AHRR: variants seen among roughly 807,000 people sequenced by gnomAD.
The protein encoded by AHRR is ahR repressor.
A neutral mutation model predicts 44.0 loss-of-function variants in AHRR; 28 were observed. The ratio of observed to expected loss-of-function variants is 0.64; its 90% CI spans 0.47 to 0.87. The LOEUF is 0.87. Among genes scored for constraint, AHRR ranks in the 40% least tolerant of loss-of-function variants. AHRR has a pLI of 0.00. For missense variants in AHRR, 990 were observed against 953.9 expected (o/e 1.04, Z -0.50); for synonymous variants, 434 against 407.0 (o/e 1.07, Z -0.80).
chr5:427,939 A>G lies in AHRR; in HGVS notation c.841A>G (p.Met281Val). The G allele has an allele frequency of 6.2e-7, 1 of 1,613,982 alleles. No individual in the cohort carries two copies. Among genetic ancestry groups the G allele is most frequent in the Non-Finnish European group, 8.5e-7 (1 of 1,180,012 alleles). Residue 281 changes from methionine to valine, a missense_variant, in exon 8 of 11, where the codon ATG becomes GTG. Met to Val is a conservative substitution (Grantham distance 21, BLOSUM62 1). Transcript: ENST00000684583. ...APVLLPSAAE[M>V]KMRSALLRAK... ...CGTTCTCCTCCCCTCCGCAGCGGAG[A>G]TGAAAATGAGGAGCGCGCTCCTGAG...
chr5:402,538 A>G (rs1452255977), intron 4 of AHRR, among the ~76,000 whole-genome samples: 2 of 151,536 alleles, frequency 1.3e-5, no homozygotes, highest in Non-Finnish European at 2.9e-5. Context: ...GAGGGTGTGG[A>G]GAGAAGGGGA....
chr5:330,869 ATTT>A (rs34221385), intron 1 of AHRR, among the ~76,000 whole-genome samples: 30,634 of 95,984 alleles, frequency 0.32, 2,554 homozygotes, highest in South Asian at 0.42. Context: ...ATAATTCAGC[ATTT>A]TTTTTTTTTT....
chr5:325,061 G>C (rs1456740721), intron 1 of AHRR, among the ~76,000 whole-genome samples: 4 of 152,236 alleles, frequency 2.6e-5, no homozygotes, highest in African/African-American at 9.7e-5. Context: ...GCTGAGGAGG[G>C]CAACGAGGCT....
chr5:353,409 G>A (rs1313594862), intron 2 of AHRR, among the ~76,000 whole-genome samples: 4 of 152,160 alleles, frequency 2.6e-5, no homozygotes, highest in African/African-American at 4.8e-5. Context: ...TCAGGGATCC[G>A]TAGTGGAGAG....
At chr5:417,708 A>C (rs905653902) in intron 5 of AHRR, among the ~76,000 whole-genome samples, 1 of 150,936 alleles carries the variant, frequency 6.6e-6, no homozygotes, top group Non-Finnish European at 1.5e-5. Flanking sequence ...GCACTTGGTC[A>C]TTTTTCCCCA....
In AHRR at chr5:337,064, T is replaced by C. The variant is rs113187297; in HGVS notation, c.-10-6829T>C. ...GTATCTCTATTCTTATGCCACAGTT[T>C]CTTTCTTTTTAATGTTTTTTTTTAA... On this transcript the variant is annotated intron_variant, in intron 1 of 10. Coordinates refer to ENST00000684583, the MANE Select transcript of AHRR (RefSeq NM_001377236.1). The surrounding 1 kb of genome is among the most constrained non-coding windows in gnomAD (Gnocchi z 4.1). 1.7e-3 allele frequency among the ~76,000 whole-genome samples: 262 copies of C among 152,324 alleles called. 4 individuals carry two copies. The highest frequency in any genetic ancestry group is 5.9e-3 in the African/African-American group (245 of 41,574).
intron 1 of AHRR, among the ~76,000 whole-genome samples, chr5:322,190 C>CG (rs1328531330): frequency 1.3e-5 from 2 of 152,164 alleles, no homozygotes; most frequent in Non-Finnish European, 1.5e-5. Context: ...GCGCCAGGTC[C>CG]GGGGGGCCTC....
At chr5:413,512 G>T (rs1447008060) in intron 5 of AHRR, 79 bp downstream of exon 5, 9 of 1,095,582 alleles carry the variant, frequency 8.2e-6, no homozygotes, top group Admixed American at 2.0e-5. Context: ...TGTCGTCAAG[G>T]TTTGATAATG....
Position 395,768 on chromosome 5 carries a change from A to G in AHRR, c.352-17576A>G, listed in dbSNP as rs76135148. Among the ~76,000 whole-genome samples, 14,978 of 152,286 alleles carry G rather than the reference A, an allele frequency of 0.098. 1,013 individuals are homozygous for G. The highest frequency in any genetic ancestry group is 0.13 in the Admixed American group (2,053 of 15,304). ...TCCGCCACAGGCTGCTGTCCTAAAG[A>G]AAGGCCTAGAAGCCCTCCCAGCTGG... On this transcript the variant is annotated intron_variant, in intron 4 of 10. Coordinates refer to ENST00000684583, the MANE Select transcript of AHRR (RefSeq NM_001377236.1). This position sits in a 1 kb window ranked among gnomAD's most constrained non-coding sequence, Gnocchi z 5.3.
chr5:392,437 C>T lies in AHRR; in HGVS notation c.351+15721C>T, dbSNP rs1483035004. 4.0e-5 allele frequency among the ~76,000 whole-genome samples: 6 copies of T among 148,342 alleles called. No individual in the cohort carries two copies. The East Asian group carries it at 8.0e-4, about 20-fold the overall frequency. On this transcript the variant is annotated intron_variant, in intron 4 of 10. Transcript: ENST00000684583. ...CGTGCACGAACACACGGGTGCAGGG[C>T]GAGGCAGGCGCAGGGCGAGGCAGGG...
intron 1 of AHRR, 58 bp from the exon 2 acceptor site, chr5:343,835 G>T: frequency 6.5e-7 from 1 of 1,537,662 alleles, no homozygotes; most frequent in Non-Finnish European, 8.8e-7. Flanking sequence ...GGGGCATCGC[G>T]GCGGGAACAG....
rs1734196760 is a variant in AHRR, at chr5:387,068, C to T, written c.351+10352C>T. Among the ~76,000 whole-genome samples, 1 of 152,254 alleles carries T rather than the reference C, an allele frequency of 6.6e-6. No individual in the cohort carries two copies. The highest frequency in any genetic ancestry group is 1.5e-5 in the Non-Finnish European group (1 of 68,048). On this transcript the variant is annotated intron_variant, in intron 4 of 10. Transcript: ENST00000684583. The surrounding 1 kb of genome is among the most constrained non-coding windows in gnomAD (Gnocchi z 5.1). ...TTTGATTGTCAAAGCCTCTGCTGCACGGGGTGGGTCTGCCCCTGACAGGCA... is the reference window on the plus strand; with the variant it reads ...TTTGATTGTCAAAGCCTCTGCTGCATGGGGTGGGTCTGCCCCTGACAGGCA...
chr5:427,501 C>T, intron 7 of AHRR: 1 of 1,081,208 alleles, frequency 9.2e-7, no homozygotes, highest in Non-Finnish European at 1.4e-6. Context: ...GTTCGTGCCA[C>T]CTGCGCATGG....
chr5:389,934 A>AG (rs1361279945), intron 4 of AHRR, among the ~76,000 whole-genome samples: 1 of 32,858 alleles, frequency 3.0e-5, no homozygotes, highest in Non-Finnish European at 5.6e-5. Flanking sequence ...GGGGAGGGGG[A>AG]GGGGAAGGGA....
intron 7 of AHRR, among the ~76,000 whole-genome samples, chr5:426,689 A>AGATG (rs1300501738): frequency 7.1e-6 from 1 of 139,882 alleles, no homozygotes; most frequent in African/African-American, 2.7e-5. Flanking sequence ...ATGGATGGAT[A>AGATG]GATGGATGGG....
At chr5:373,842 CCGGG>C (rs1743668865) in intron 3 of AHRR, among the ~76,000 whole-genome samples, 1 of 150,810 alleles carries the variant, frequency 6.6e-6, no homozygotes, top group South Asian at 2.1e-4. Flanking sequence ...GGCGCCCTGC[CCGGG>C]CGGGCGGGGG....
At position 342,490 on chromosome 5, in the gene AHRR, C is replaced by T. The variant is rs779639219; in HGVS notation, c.-10-1403C>T. ...TCATACAGCTGCTTCATTTGATTAA[C>T]GTTTGCATGTTGTATCTTTTTCTAT... On this transcript the variant is annotated intron_variant, in intron 1 of 10. Transcript: ENST00000684583. This position sits in a 1 kb window ranked among gnomAD's most constrained non-coding sequence, Gnocchi z 4.3. 2.1e-4 allele frequency among the ~76,000 whole-genome samples: 32 copies of T among 152,168 alleles called. No individual in the cohort carries two copies. Among genetic ancestry groups the T allele is most frequent in the Non-Finnish European group, 2.8e-4 (19 of 68,038 alleles).
intron 4 of AHRR, among the ~76,000 whole-genome samples, chr5:403,372 C>A (rs1360674789): frequency 2.6e-5 from 4 of 152,198 alleles, no homozygotes; most frequent in East Asian, 1.9e-4. Flanking sequence ...TGCAGTGGCT[C>A]ACCCTGTAAT....
At chr5:354,003 C>T in intron 3 of AHRR, 92 bp downstream of exon 3, 2 of 1,379,342 alleles carry the variant, frequency 1.4e-6, no homozygotes, top group Admixed American at 2.0e-5. Context: ...TGAAGTGTGT[C>T]TGGTGGGTTG....
Sources: allele counts gnomAD v4.1 joint callset (sites outside exome capture counted in the v4.1 genomes callset), GRCh38; gene constraint gnomAD v4.1.1; non-coding constraint Gnocchi (gnomAD v3.1); transcripts MANE v1.5; gene names NCBI Gene and HGNC (gene_info 2026-07-23, HGNC 2026-07-21).